Variants in DTD1 observed in about 807,000 individuals in gnomAD.
DTD1 encodes D-tyrosyl-tRNA deacylase 1 homolog.
A neutral mutation model predicts 25.6 loss-of-function variants in DTD1; 13 were observed. The observed-to-expected ratio is 0.51, with a 90% CI of 0.33 to 0.81. The LOEUF is 0.81. Ranked by LOEUF, DTD1 falls within the 30% of genes least tolerant of loss-of-function variation. The pLI, the probability that DTD1 is intolerant of heterozygous loss-of-function variation, is 0.02. For synonymous variants in DTD1, 110 were observed against 103.6 expected (o/e 1.06, Z -0.37); for missense variants, 193 against 266.4 (o/e 0.72, Z 1.92).
rs576368563 is a variant in DTD1 at position 18,630,987 on chromosome 20, G to C, written c.477+2754G>C. 5.6e-5 allele frequency: 48 copies of C among 856,748 alleles called. No individual in the cohort carries two copies. The African/African-American group carries it at 8.2e-4, about 15-fold the overall frequency. 53.1% of individuals were successfully genotyped at this position (856,748 alleles called of 1,614,324 possible). A position where few individuals can be genotyped will look rare whatever the true frequency, so the allele number is the denominator to read the frequency against. On this transcript the variant is annotated intron_variant, in intron 4 of 5. Transcript: ENST00000377452. ...ATTTGTCTTGTTACCTGTGATACCAGCCTTATTACTTGGTTCAGGTGAAGT... is the reference window on the plus strand; with the variant it reads ...ATTTGTCTTGTTACCTGTGATACCACCCTTATTACTTGGTTCAGGTGAAGT...
At chr20:18,701,816 T>A (rs1289084220) in intron 4 of DTD1, among the ~76,000 whole-genome samples, 2 of 152,372 alleles carry the variant, frequency 1.3e-5, no homozygotes, top group East Asian at 3.9e-4. Context: ...AATCACCTAA[T>A]AATTCTTTAA....
intron 4 of DTD1, among the ~76,000 whole-genome samples, chr20:18,665,580 A>G (rs891776341): frequency 1.3e-5 from 2 of 152,228 alleles, no homozygotes; most frequent in Admixed American, 1.3e-4. Flanking sequence ...CTGAGTTACA[A>G]CTGACAAGTG....
At chr20:18,734,794 T>G (rs1296291621) in intron 4 of DTD1, among the ~76,000 whole-genome samples, 1 of 152,222 alleles carries the variant, frequency 6.6e-6, no homozygotes, top group Non-Finnish European at 1.5e-5. Context: ...TGGTGGTAGT[T>G]GATGGACACT....
intron 4 of DTD1, among the ~76,000 whole-genome samples, chr20:18,637,452 T>G (rs577702559): frequency 6.6e-6 from 1 of 152,324 alleles, no homozygotes; most frequent in South Asian, 2.1e-4. Flanking sequence ...GGGTAATAAC[T>G]TTTTTCCTAG....
At chr20:18,643,923 A>G (rs1218929594) in intron 4 of DTD1, among the ~76,000 whole-genome samples, 2 of 152,060 alleles carry the variant, frequency 1.3e-5, no homozygotes, top group African/African-American at 4.8e-5. Context: ...ATGGTCCTAT[A>G]TTGCCTATGT....
At chr20:18,633,546 G>A (rs1345279397) in intron 4 of DTD1, among the ~76,000 whole-genome samples, 3 of 152,190 alleles carry the variant, frequency 2.0e-5, no homozygotes, top group Non-Finnish European at 2.9e-5. Flanking sequence ...GAGGGGTGGT[G>A]TTTGTTTAGC....
intron 5 of DTD1, among the ~76,000 whole-genome samples, chr20:18,745,333 A>C (rs2061295744): frequency 6.6e-6 from 1 of 152,204 alleles, no homozygotes; most frequent in Non-Finnish European, 1.5e-5. Flanking sequence ...CACTGTGCCT[A>C]GTTCCTCCCA....
intron 4 of DTD1, among the ~76,000 whole-genome samples, chr20:18,671,022 A>G (rs750135921): frequency 6.6e-6 from 1 of 152,042 alleles, no homozygotes; most frequent in Non-Finnish European, 1.5e-5. Flanking sequence ...GAACTGAGAG[A>G]TGCCTTGTCA....
intron 5 of DTD1, among the ~76,000 whole-genome samples, chr20:18,762,725 G>A (rs1405442951): frequency 1.3e-5 from 2 of 152,024 alleles, no homozygotes; most frequent in African/African-American, 4.8e-5. Context: ...TTGATAATTT[G>A]TGTCTTCTCT....
chr20:18,613,602 C>T (rs1462289929), intron 3 of DTD1, among the ~76,000 whole-genome samples: 1 of 152,212 alleles, frequency 6.6e-6, no homozygotes, highest in Non-Finnish European at 1.5e-5. Context: ...TGCTGAGATA[C>T]AGCCTCTGTG....
chr20:18,754,618 A>C (rs951027251), intron 5 of DTD1, among the ~76,000 whole-genome samples: 9 of 152,128 alleles, frequency 5.9e-5, no homozygotes, highest in Middle Eastern at 3.2e-3. Flanking sequence ...AGCACTTCTA[A>C]TTTGGCAGAT....
intron 4 of DTD1, among the ~76,000 whole-genome samples, chr20:18,719,245 ATG>A (rs34218213): frequency 0.015 from 2,177 of 148,876 alleles, 41 homozygotes; most frequent in African/African-American, 0.045. Context: ...GTATATATAT[ATG>A]TGTGTGTGTG....
intron 4 of DTD1, among the ~76,000 whole-genome samples, chr20:18,654,765 G>A (rs1309217014): frequency 6.6e-6 from 1 of 150,616 alleles, no homozygotes; most frequent in Non-Finnish European, 1.5e-5. Flanking sequence ...GATGGGCTGA[G>A]AAAAATAATC....
At chr20:18,721,415 G>T (rs1314885841) in intron 4 of DTD1, among the ~76,000 whole-genome samples, 1 of 152,028 alleles carries the variant, frequency 6.6e-6, no homozygotes, top group Admixed American at 6.5e-5. Flanking sequence ...AGTCAGATTT[G>T]GTCATAGTAT....
At chr20:18,725,225 C>T (rs2061218917) in intron 4 of DTD1, among the ~76,000 whole-genome samples, 1 of 152,142 alleles carries the variant, frequency 6.6e-6, no homozygotes, top group Non-Finnish European at 1.5e-5. Flanking sequence ...ACTTTTGGGT[C>T]ACCAGGTCAT....
chr20:18,663,222 T>C (rs115558641), intron 4 of DTD1, among the ~76,000 whole-genome samples: 3,942 of 152,206 alleles, frequency 0.026, 181 homozygotes, highest in African/African-American at 0.09. Flanking sequence ...AAAAGTTTCA[T>C]AGAAAGTGTC....
At chr20:18,758,564 C>T (rs1182732276) in intron 5 of DTD1, among the ~76,000 whole-genome samples, 1 of 152,184 alleles carries the variant, frequency 6.6e-6, no homozygotes, top group South Asian at 2.1e-4. Context: ...TGTTCAGTTT[C>T]CATGTAGTTG....
chr20:18,720,419 G>C (rs1476187016), intron 4 of DTD1, among the ~76,000 whole-genome samples: 1 of 152,136 alleles, frequency 6.6e-6, no homozygotes, highest in East Asian at 1.9e-4. Context: ...CTTAGCTTTT[G>C]TCCCTGAATT....
intron 4 of DTD1, among the ~76,000 whole-genome samples, chr20:18,666,145 A>G (rs2060930594): frequency 6.6e-6 from 1 of 152,166 alleles, no homozygotes. Flanking sequence ...TGACAGTCTT[A>G]AGGAGGACTG....
Sources: gnomAD v4.1 joint callset for allele counts (sites outside exome capture counted in the v4.1 genomes callset) on GRCh38, gnomAD v4.1.1 for gene constraint, MANE v1.5 for transcripts, NCBI Gene and HGNC (gene_info 2026-07-23, HGNC 2026-07-21) for gene names.